The following ITPR1 variants were observed in gnomAD, a reference collection of about 807,000 sequenced individuals.
The protein encoded by ITPR1 is inositol 1,4,5-trisphosphate-gated calcium channel ITPR1.
Under a neutral mutation model 318.4 loss-of-function variants are expected in ITPR1, and 96 were observed. That is an observed-to-expected ratio of 0.30 (90% CI 0.26 to 0.36). ITPR1 has a LOEUF of 0.36. Ranked by LOEUF, ITPR1 falls within the 10% of genes least tolerant of loss-of-function variation. ITPR1 has a pLI of 1.00. For missense variants in ITPR1, 2,440 were observed against 3,460.2 expected, an observed-to-expected ratio of 0.71 and a Z score of 7.40; for synonymous variants, 1,312 against 1,289.9, an observed-to-expected ratio of 1.02 and a Z score of -0.37.
At chr3:4,823,094 T>C (rs2049833841) in intron 60 of ITPR1, among the ~76,000 whole-genome samples, 1 of 152,238 alleles carries the variant, frequency 6.6e-6, no homozygotes, top group African/African-American at 2.4e-5. Context: ...ACTGAGAATC[T>C]GTGTTAGTCT....
chr3:4,689,896 A>G (rs1202895573), intron 31 of ITPR1, among the ~76,000 whole-genome samples: 1 of 152,222 alleles, frequency 6.6e-6, no homozygotes, highest in Non-Finnish European at 1.5e-5. Flanking sequence ...AGTAAAAGAC[A>G]TTTGCGATGC....
intron 4 of ITPR1, among the ~76,000 whole-genome samples, chr3:4,545,069 T>G (rs1037231079): frequency 6.6e-6 from 1 of 152,140 alleles, no homozygotes; most frequent in African/African-American, 2.4e-5. Flanking sequence ...GTGCTGGGAT[T>G]ACAGGTGTGA....
intron 4 of ITPR1, among the ~76,000 whole-genome samples, chr3:4,535,570 G>T (rs1202261369): frequency 6.6e-6 from 1 of 150,474 alleles, no homozygotes; most frequent in Admixed American, 6.7e-5. Context: ...AGCCTCCCGA[G>T]TAGCTGGGAC....
At chr3:4,839,609 C>T (rs2051189967) in intron 61 of ITPR1, among the ~76,000 whole-genome samples, 1 of 152,126 alleles carries the variant, frequency 6.6e-6, no homozygotes, top group African/African-American at 2.4e-5. Flanking sequence ...GCATCATATA[C>T]TTAAATGGTA....
chr3:4,790,240 C>G (rs2047468475), intron 52 of ITPR1, among the ~76,000 whole-genome samples: 1 of 152,196 alleles, frequency 6.6e-6, no homozygotes, highest in Non-Finnish European at 1.5e-5. Context: ...TAGTCCATTT[C>G]TGCCCCCAAC....
At chr3:4,794,879 C>T in intron 52 of ITPR1, 186 bp from the exon 53 acceptor site, 1 of 595,420 alleles carries the variant, frequency 1.7e-6, no homozygotes. Flanking sequence ...GTACTCCACA[C>T]AGAAATAAAC....
intron 5 of ITPR1, among the ~76,000 whole-genome samples, chr3:4,638,009 C>T (rs2093241605): frequency 6.6e-6 from 1 of 152,138 alleles, no homozygotes; most frequent in African/African-American, 2.4e-5. Flanking sequence ...CCCTAAAAGG[C>T]TTGTATTGTC....
Position 4,684,292 on chromosome 3 carries a change from C to G in ITPR1, c.3510C>G (p.Asn1170Lys). ...ACTTTGGTTTCTAGGAGGGAAATAA[C>G]AAGCCACAAAAGCATGAAAGCACCA... is the stretch of plus-strand genomic sequence containing the variant. ...NEHKKTEEGN[N>K]KPQKHESTSS... The change falls in exon 29 of 62, where the codon AAC (asparagine) becomes AAG (lysine). Residue 1170 changes from asparagine to lysine, a missense_variant. Physicochemically the swap from Asn to Lys is moderately conservative, Grantham distance 94. Transcript: ENST00000649015. The G allele has an allele frequency of 6.3e-7, 1 of 1,578,532 alleles. No homozygotes were observed. The highest frequency in any genetic ancestry group is 1.2e-5 in the South Asian group (1 of 86,672).
chr3:4,502,149 A>G (rs1052468628), intron 2 of ITPR1, among the ~76,000 whole-genome samples: 3 of 152,096 alleles, frequency 2.0e-5, no homozygotes, highest in Non-Finnish European at 2.9e-5. Context: ...GTGTGTGTGT[A>G]TGTTGTACCT....
At position 4,846,404 on chromosome 3, in the gene ITPR1, T is replaced by G. The variant is rs1460251853; in HGVS notation, c.*179T>G. The stretch of plus-strand genomic sequence containing the variant: ...AAGGTTTGGATATATGTATTGTAAT[T>G]AGAATTGTTGGCATGATGACATTTC... On this transcript the variant is annotated 3_prime_UTR_variant, in exon 62 of 62. Transcript: ENST00000649015. The G allele has an allele frequency of 5.0e-6, 2 of 400,078 alleles. No homozygotes were observed. The highest frequency in any genetic ancestry group is 8.8e-6 in the Non-Finnish European group (2 of 226,284). 24.8% of individuals were successfully genotyped at this position (400,078 alleles called of 1,614,324 possible). A position where few individuals can be genotyped will look rare whatever the true frequency, so the allele number is the denominator to read the frequency against.
At chr3:4,698,705 A>T (rs4685802) in intron 34 of ITPR1, among the ~76,000 whole-genome samples, 72,482 of 152,054 alleles carry the variant, frequency 0.48, 17,869 homozygotes, top group Non-Finnish European at 0.53. Flanking sequence ...AGTTATTAAT[A>T]TCATTCTTGG....
intron 55 of ITPR1, among the ~76,000 whole-genome samples, chr3:4,806,722 C>T (rs1309435307): frequency 6.6e-6 from 1 of 152,150 alleles, no homozygotes; most frequent in Non-Finnish European, 1.5e-5. Flanking sequence ...GATTCATGAT[C>T]ATGAGCTCAG....
rs181515270 is a variant in ITPR1 at position 4,692,886 on chromosome 3, C to T, written c.4030-604C>T. Among the ~76,000 whole-genome samples the T allele has an allele frequency of 3.2e-3, 484 of 152,188 alleles. 3 individuals are homozygous for T. The highest frequency in any genetic ancestry group is 0.011 in the African/African-American group (458 of 41,532). ...CTATAATCCCAGCACTTTGGGAGGC[C>T]GAGTTGGGTGGATCATCTGAGGTTG... On this transcript the variant is annotated intron_variant, in intron 32 of 61. Coordinates refer to ENST00000649015, the MANE Select transcript of ITPR1 (RefSeq NM_001378452.1).
At position 4,686,920 on chromosome 3, in the gene ITPR1, C is replaced by T. The variant is rs2094404605; in HGVS notation, c.3703-1575C>T. 2.0e-5 allele frequency among the ~76,000 whole-genome samples: 3 copies of T among 152,254 alleles called. No homozygotes were observed. In the South Asian group the frequency reaches 6.2e-4, roughly 32 times the overall value. On this transcript the variant is annotated intron_variant, in intron 30 of 61. Coordinates refer to ENST00000649015, the MANE Select transcript of ITPR1 (RefSeq NM_001378452.1). ...GATTTCTTAGAGCTAGAAGGTTCAC[C>T]ACCCCTCCTGTTAATAAGGGACAAA...
intron 52 of ITPR1, among the ~76,000 whole-genome samples, chr3:4,790,059 G>A (rs1035656809): frequency 1.3e-5 from 2 of 152,214 alleles, no homozygotes; most frequent in East Asian, 3.8e-4. Flanking sequence ...AAATGTTTAT[G>A]TATAATGTAT....
intron 52 of ITPR1, among the ~76,000 whole-genome samples, chr3:4,793,351 A>T (rs1254823950): frequency 6.6e-6 from 1 of 152,200 alleles, no homozygotes; most frequent in Non-Finnish European, 1.5e-5. Context: ...GCTTTGCCAG[A>T]TCCTTTTCTT....
rs377535170 is a variant in ITPR1 at position 4,711,817 on chromosome 3, C to A, written c.5052C>A (p.Val1684=). Reference sequence around the variant, plus strand: ...ATGAAGAGAAGCTCTGCATTAAGGTCCTACAGACCCTGAGGGAAATGATGA... The same window carrying A: ...ATGAAGAGAAGCTCTGCATTAAGGTACTACAGACCCTGAGGGAAATGATGA... ...EENEEKLCIK[V]LQTLREMMTK... The change falls in exon 39 of 62, where the codon GTC becomes GTA. Residue 1684 remains valine, a synonymous_variant. Coordinates refer to ENST00000649015, the MANE Select transcript of ITPR1 (RefSeq NM_001378452.1). 3 of 1,551,702 alleles carry A rather than the reference C, an allele frequency of 1.9e-6. No individual in the cohort carries two copies. Among genetic ancestry groups the A allele is most frequent in the Non-Finnish European group, 2.6e-6 (3 of 1,146,422 alleles).
At chr3:4,698,141 T>G (rs922098628) in intron 34 of ITPR1, among the ~76,000 whole-genome samples, 1 of 152,174 alleles carries the variant, frequency 6.6e-6, no homozygotes, top group Non-Finnish European at 1.5e-5. Context: ...AGTTTTGTGA[T>G]GGTGGAATTT....
At chr3:4,676,838 T>C (rs775646165) in intron 24 of ITPR1, 37 bp downstream of exon 24, 5 of 1,524,758 alleles carry the variant, frequency 3.3e-6, no homozygotes, top group Non-Finnish European at 4.5e-6. Flanking sequence ...GGAGGGTATG[T>C]CACAGAGGCG....
Sources: allele counts gnomAD v4.1 joint callset (sites outside exome capture counted in the v4.1 genomes callset), GRCh38; gene constraint gnomAD v4.1.1; transcripts MANE v1.5; gene names NCBI Gene and HGNC (gene_info 2026-07-23, HGNC 2026-07-21).